Variants in TTC28 observed in about 807,000 individuals in gnomAD.
TTC28 encodes the protein tetratricopeptide repeat protein 28.
In TTC28, 61 loss-of-function variants were observed where a neutral mutation model predicts 198.0. The observed-to-expected ratio is 0.31, with a 90% CI of 0.25 to 0.38. TTC28 has a LOEUF of 0.38. TTC28 is among the 10% of genes least tolerant of loss of function. The pLI is 1.00. For missense variants in TTC28, 2,678 were observed against 3,164.0 expected (o/e 0.85, Z 3.69); for synonymous variants, 1,171 against 1,297.8 (o/e 0.90, Z 2.10).
At chr22:28,437,512 T>C (rs756789125) in intron 2 of TTC28, among the ~76,000 whole-genome samples, 54 of 152,220 alleles carry the variant, frequency 3.5e-4, no homozygotes, top group Non-Finnish European at 2.9e-5. Context: ...GGAGAACATT[T>C]ACTAGACAAG....
chr22:28,362,000 C>T (rs914507850), intron 2 of TTC28, among the ~76,000 whole-genome samples: 5 of 152,176 alleles, frequency 3.3e-5, no homozygotes, highest in Non-Finnish European at 5.9e-5. Flanking sequence ...ACTGACAACG[C>T]GTCTGGCTAC....
intron 2 of TTC28, among the ~76,000 whole-genome samples, chr22:28,503,431 TA>T (rs1208962318): frequency 6.6e-6 from 1 of 152,184 alleles, no homozygotes; most frequent in Non-Finnish European, 1.5e-5. Context: ...ACAAGCAAAC[TA>T]AAGATGAATA....
intron 12 of TTC28, among the ~76,000 whole-genome samples, chr22:28,078,600 GAT>G (rs1941240023): frequency 6.6e-6 from 1 of 152,112 alleles, no homozygotes; most frequent in African/African-American, 2.4e-5. Context: ...GAATAATTCT[GAT>G]GAAAGCAGTG....
chr22:28,154,321 AT>A (rs10537660), intron 6 of TTC28, among the ~76,000 whole-genome samples: 43,583 of 137,158 alleles, frequency 0.32, 6,847 homozygotes, highest in Non-Finnish European at 0.38. Flanking sequence ...AAAGATGGCC[AT>A]TTTTTTTTTT....
intron 2 of TTC28, among the ~76,000 whole-genome samples, chr22:28,341,493 A>C (rs2045828637): frequency 6.6e-6 from 1 of 152,170 alleles, no homozygotes; most frequent in African/African-American, 2.4e-5. Context: ...CTTAACAAAA[A>C]ATAAAAATAA....
intron 22 of TTC28, 76 bp downstream of exon 22, chr22:27,985,173 T>C: frequency 9.4e-7 from 1 of 1,068,762 alleles, no homozygotes; most frequent in Admixed American, 2.5e-5. Flanking sequence ...CTTCCCAAAA[T>C]GTATGTGCTG....
intron 5 of TTC28, among the ~76,000 whole-genome samples, chr22:28,173,524 C>T (rs556644793): frequency 4.6e-5 from 7 of 152,320 alleles, no homozygotes; most frequent in African/African-American, 1.7e-4. Flanking sequence ...TAAGACAACA[C>T]TTTTCTCTTT....
intron 2 of TTC28, among the ~76,000 whole-genome samples, chr22:28,547,593 A>G (rs1166841775): frequency 6.6e-6 from 1 of 152,082 alleles, no homozygotes; most frequent in Non-Finnish European, 1.5e-5. Flanking sequence ...CTGAGTCACA[A>G]TTTTATACTG....
intron 1 of TTC28, among the ~76,000 whole-genome samples, chr22:28,658,134 G>A (rs2051689500): frequency 6.6e-6 from 1 of 152,076 alleles, no homozygotes; most frequent in South Asian, 2.1e-4. Flanking sequence ...AAGTTATTAT[G>A]TACAAAAAGT....
At chr22:28,356,775 T>C (rs1459722442) in intron 2 of TTC28, among the ~76,000 whole-genome samples, 1 of 152,198 alleles carries the variant, frequency 6.6e-6, no homozygotes, top group African/African-American at 2.4e-5. Context: ...AAGTAGGGAC[T>C]GACAAAAAGC....
intron 2 of TTC28, among the ~76,000 whole-genome samples, chr22:28,593,469 C>G (rs367966751): frequency 0.018 from 2,704 of 148,228 alleles, 22 homozygotes; most frequent in Non-Finnish European, 0.025. Flanking sequence ...AGGTAGGTAG[C>G]TAGGTAGGTA....
intron 1 of TTC28, among the ~76,000 whole-genome samples, chr22:28,642,445 C>A (rs369104547): frequency 2.7e-4 from 39 of 144,874 alleles, no homozygotes; most frequent in African/African-American, 9.2e-4. Flanking sequence ...AAAAAAAAAA[C>A]AACAAAAAAA....
chr22:28,523,729 T>C (rs1204836033), intron 2 of TTC28, among the ~76,000 whole-genome samples: 2 of 152,208 alleles, frequency 1.3e-5, no homozygotes, highest in Non-Finnish European at 2.9e-5. Context: ...AAGAACACAG[T>C]AGAGCCTGAC....
At chr22:28,674,263 TGG>T (rs2051940511) in intron 1 of TTC28, among the ~76,000 whole-genome samples, 1 of 140,988 alleles carries the variant, frequency 7.1e-6, no homozygotes, top group African/African-American at 2.6e-5. Flanking sequence ...TTTTTCTTTG[TGG>T]TTTTTTTTTT....
intron 2 of TTC28, among the ~76,000 whole-genome samples, chr22:28,544,086 T>C (rs2049483464): frequency 6.6e-6 from 1 of 152,094 alleles, no homozygotes; most frequent in African/African-American, 2.4e-5. Flanking sequence ...CCAGGCGTGG[T>C]GGCGGGCACC....
At chr22:28,201,845 C>A (rs1203379719) in intron 5 of TTC28, among the ~76,000 whole-genome samples, 1 of 150,546 alleles carries the variant, frequency 6.6e-6, no homozygotes, top group Admixed American at 6.6e-5. Flanking sequence ...GAGAGGAATA[C>A]AGCCTGAACA....
At chr22:28,106,774 G>A (rs1258433309) in intron 7 of TTC28, among the ~76,000 whole-genome samples, 1 of 152,054 alleles carries the variant, frequency 6.6e-6, no homozygotes, top group Non-Finnish European at 1.5e-5. Flanking sequence ...TAGTCAAAAG[G>A]CACTGCATTT....
At position 28,306,600 on chromosome 22, in the gene TTC28, T is replaced by C; in HGVS notation, c.425A>G (p.His142Arg). 1 of 1,551,640 alleles carries C rather than the reference T, an allele frequency of 6.4e-7. No individual in the cohort carries two copies. Among genetic ancestry groups the C allele is most frequent in the Admixed American group, 2.0e-5 (1 of 50,996 alleles). ...QGVALQYLGR[H>R]ADALAAFASG... The stretch of plus-strand genomic sequence containing the variant: ...TGCAAAGGCTGCCAGGGCATCGGCA[T>C]GACGTCCAAGGTACTGGAGGGCAAC... The change falls in exon 3 of 23, where the codon CAT becomes CGT. Residue 142 changes from histidine (H) to arginine (R), a missense_variant. Physicochemically the swap from His to Arg is conservative, Grantham distance 29. Coordinates refer to ENST00000397906, the MANE Select transcript of TTC28 (RefSeq NM_001145418.2).
intron 2 of TTC28, among the ~76,000 whole-genome samples, chr22:28,421,042 C>A (rs927328731): frequency 3.9e-5 from 6 of 152,104 alleles, no homozygotes; most frequent in Admixed American, 1.3e-4. Context: ...ATAAAATGGT[C>A]TTTCCCTCAA....
Sources: gnomAD v4.1 joint callset for allele counts (sites outside exome capture counted in the v4.1 genomes callset) on GRCh38, gnomAD v4.1.1 for gene constraint, MANE v1.5 for transcripts, NCBI Gene and HGNC (gene_info 2026-07-23, HGNC 2026-07-21) for gene names.